Variants in YJU2 observed in about 807,000 individuals in gnomAD.
The protein encoded by YJU2 is splicing factor YJU2.
Under a neutral mutation model 39.6 loss-of-function variants are expected in YJU2, and 28 were observed. The observed-to-expected ratio is 0.71, with a 90% confidence interval of 0.52 to 0.97. The LOEUF (loss-of-function observed/expected upper bound fraction) is 0.97. Among genes scored for constraint, YJU2 ranks in the 50% least tolerant of loss-of-function variants. The pLI, the probability that YJU2 is intolerant of heterozygous loss-of-function variation, is 0.00. For missense variants in YJU2, 328 were observed against 430.4 expected (o/e 0.76, Z 2.11); for synonymous variants, 184 against 182.4 (o/e 1.01, Z -0.07).
In YJU2 at chr19:4,268,710, C is replaced by T. The variant is rs775847224; in HGVS notation, c.*14C>T. ...GGCAGCAACTGAGCCCTCCCAGGAC[C>T]CCCTCACGGGGTCAAAGTCACACGT... is the stretch of plus-strand genomic sequence containing the variant. On this transcript the variant is annotated 3_prime_UTR_variant, in exon 8 of 8. Transcript: ENST00000262962. The T allele has an allele frequency of 1.3e-6, 2 of 1,586,320 alleles. No individual in the cohort carries two copies. The highest frequency in any genetic ancestry group is 1.7e-6 in the Non-Finnish European group (2 of 1,156,778).
chr19:4,257,989 C>G (rs977101879), intron 4 of YJU2, among the ~76,000 whole-genome samples: 4 of 152,240 alleles, frequency 2.6e-5, no homozygotes, highest in East Asian at 1.9e-4. Context: ...CTTTCCACCC[C>G]ACCCTGCCCC....
At chr19:4,265,321 C>T (rs537064314) in intron 6 of YJU2, among the ~76,000 whole-genome samples, 3 of 152,174 alleles carry the variant, frequency 2.0e-5, no homozygotes, top group Admixed American at 1.3e-4. Context: ...GATCACAGCT[C>T]GCTGCAGCCT....
At chr19:4,267,260 C>T (rs1971122977) in intron 6 of YJU2, among the ~76,000 whole-genome samples, 1 of 152,096 alleles carries the variant, frequency 6.6e-6, no homozygotes, top group African/African-American at 2.4e-5. Flanking sequence ...CCATGATGGG[C>T]TTCTCAGAGG....
At chr19:4,247,249 T>G (rs1970925921) in intron 1 of YJU2, 79 bp downstream of exon 1, 1 of 1,322,784 alleles carries the variant, frequency 7.6e-7, no homozygotes, top group Non-Finnish European at 1.1e-6. Flanking sequence ...CTTCCTGAGA[T>G]CTCTTCTTTG....
chr19:4,252,434 T>TAA (rs56992923), intron 3 of YJU2, among the ~76,000 whole-genome samples: 8 of 149,094 alleles, frequency 5.4e-5, no homozygotes, highest in East Asian at 2.0e-4. Flanking sequence ...CCGTCTCTAC[T>TAA]AAAAAAAAAG....
chr19:4,247,442 T>TC lies in YJU2; in HGVS notation c.24+272_24+273insC, dbSNP rs1164524366. ...TACCCAATCACCACCAGATAGGGTTTTTTTTCTGGGGGCGGGGCTTCCTTA... is the reference window on the plus strand; with the variant it reads ...TACCCAATCACCACCAGATAGGGTTTCTTTTTCTGGGGGCGGGGCTTCCTTA... On this transcript the variant is annotated intron_variant, in intron 1 of 7. Transcript: ENST00000262962. 5.4e-6 allele frequency: 2 copies of TC among 373,078 alleles called. 1 individual carries two copies. Among genetic ancestry groups the TC allele is most frequent in the African/African-American group, 4.3e-5 (2 of 46,230 alleles). 23.1% of individuals were successfully genotyped at this position (373,078 alleles called of 1,614,324 possible).
Position 4,265,002 on chromosome 19 carries a change from T to G in YJU2, c.709-2622T>G, listed in dbSNP as rs78776191. ...ACACTGTGGTTCTCACATAAACCAC[T>G]CCCAGAATTCATTGTCTACAACTTC... is the stretch of plus-strand genomic sequence containing the variant. On this transcript the variant is annotated intron_variant, in intron 6 of 7. Coordinates refer to ENST00000262962, the MANE Select transcript of YJU2 (RefSeq NM_018074.6). 6.7e-3 allele frequency among the ~76,000 whole-genome samples: 1,014 copies of G among 152,246 alleles called. 10 individuals are homozygous for G. Among genetic ancestry groups the G allele is most frequent in the Middle Eastern group, 0.051 (15 of 294 alleles).
chr19:4,258,173 G>C, intron 4 of YJU2, 69 bp from the exon 5 acceptor site: 2 of 1,518,318 alleles, frequency 1.3e-6, no homozygotes, highest in Admixed American at 4.1e-5. Flanking sequence ...AGTGGCCCCC[G>C]AGGCCAGACA....
chr19:4,255,824 C>T (rs55662512), intron 4 of YJU2, among the ~76,000 whole-genome samples: 56,263 of 150,664 alleles, frequency 0.37, 11,379 homozygotes, highest in African/African-American at 0.53. Context: ...TTGGCCAACA[C>T]GGCGAAACCC....
Position 4,254,496 on chromosome 19 carries a change from C to A in YJU2, c.405+7C>A. ...GCTGAACAACCCCATGAAGGTGAGT[C>A]GGGGGCCATGTAGGTGTTCATGGGC... On this transcript the variant is annotated splice_region_variant and intron_variant, in intron 4 of 7. Coordinates refer to ENST00000262962, the MANE Select transcript of YJU2 (RefSeq NM_018074.6). The A allele has an allele frequency of 1.3e-6, 2 of 1,579,848 alleles. No homozygotes were observed. Among genetic ancestry groups the A allele is most frequent in the East Asian group, 2.3e-5 (1 of 43,828 alleles).
rs116237917 is a variant in YJU2, at chr19:4,250,349, G to A, written c.126-678G>A. Among the ~76,000 whole-genome samples the A allele has an allele frequency of 7.3e-3, 1,114 of 152,156 alleles. 13 individuals carry two copies. Among genetic ancestry groups the A allele is most frequent in the African/African-American group, 0.025 (1,048 of 41,516 alleles). On this transcript the variant is annotated intron_variant, in intron 2 of 7. Coordinates refer to ENST00000262962, the MANE Select transcript of YJU2 (RefSeq NM_018074.6). ...CTGTGTGCCAGGGTCTGTGCCGAGC[G>A]CCAGGAACAAAGTCCCTGGCCTCAT... is the stretch of plus-strand genomic sequence containing the variant.
intron 5 of YJU2, among the ~76,000 whole-genome samples, chr19:4,258,653 C>A (rs1316476671): frequency 1.3e-5 from 2 of 152,220 alleles, no homozygotes; most frequent in African/African-American, 4.8e-5. Flanking sequence ...TTTGTCACAG[C>A]GAGAGGACAC....
rs188351158 is a variant in YJU2 at position 4,252,008 on chromosome 19, G to A, written c.270+837G>A. 3.0e-4 allele frequency among the ~76,000 whole-genome samples: 46 copies of A among 151,890 alleles called. No homozygotes were observed. The East Asian group carries it at 6.0e-3, about 20-fold the overall frequency. ...TCTCAAAAAGAAAAAAAAAAGTAGC[G>A]TGCAATGGAATATTACACAGCCAAT... On this transcript the variant is annotated intron_variant, in intron 3 of 7. Coordinates refer to ENST00000262962, the MANE Select transcript of YJU2 (RefSeq NM_018074.6).
intron 6 of YJU2, among the ~76,000 whole-genome samples, chr19:4,264,079 G>A (rs527303833): frequency 6.6e-6 from 1 of 151,484 alleles, no homozygotes; most frequent in African/African-American, 2.4e-5. Flanking sequence ...TATCTAACAC[G>A]GTGAAACCCC....
intron 6 of YJU2, among the ~76,000 whole-genome samples, chr19:4,266,160 A>G (rs1971113924): frequency 6.6e-6 from 1 of 151,634 alleles, no homozygotes; most frequent in Non-Finnish European, 1.5e-5. Context: ...TCACCGTGTT[A>G]GCCAGGATGG....
At chr19:4,265,807 C>A (rs1971110799) in intron 6 of YJU2, among the ~76,000 whole-genome samples, 1 of 150,524 alleles carries the variant, frequency 6.6e-6, no homozygotes, top group South Asian at 2.1e-4. Flanking sequence ...CCATGTTGAC[C>A]AGGCTGGTCT....
chr19:4,253,060 C>T (rs967667567), intron 3 of YJU2, among the ~76,000 whole-genome samples: 1 of 152,044 alleles, frequency 6.6e-6, no homozygotes, highest in Non-Finnish European at 1.5e-5. Context: ...CAGGGTACAT[C>T]TGTCACAGTA....
chr19:4,262,580 G>T (rs1197059823), intron 6 of YJU2, among the ~76,000 whole-genome samples: 1 of 152,062 alleles, frequency 6.6e-6, no homozygotes, highest in African/African-American at 2.4e-5. Flanking sequence ...CCATGATCAG[G>T]TGTAAATAAG....
At chr19:4,258,451 C>A (rs777329644) in intron 5 of YJU2, 28 bp downstream of exon 5, 45 of 1,556,768 alleles carry the variant, frequency 2.9e-5, no homozygotes, top group Non-Finnish European at 3.3e-5. Flanking sequence ...CAACCCAGCC[C>A]CACCTCGCAG....
Sources: gnomAD v4.1 joint callset for allele counts (sites outside exome capture counted in the v4.1 genomes callset) on GRCh38, gnomAD v4.1.1 for gene constraint, MANE v1.5 for transcripts, NCBI Gene and HGNC (gene_info 2026-07-23, HGNC 2026-07-21) for gene names.